Variants in ZMAT4 observed in about 807,000 individuals in gnomAD.
ZMAT4 encodes the protein zinc finger matrin-type 4.
In ZMAT4, 17 loss-of-function variants were observed where a neutral mutation model predicts 28.7. That is an observed-to-expected ratio of 0.59 (90% confidence interval 0.41 to 0.89). The LOEUF (loss-of-function observed/expected upper bound fraction) is 0.89, where lower values mean the gene tolerates loss of function less well. Among genes scored for constraint, ZMAT4 ranks in the 40% least tolerant of loss-of-function variants. ZMAT4 has a pLI of 0.00. For missense variants in ZMAT4, 240 were observed against 283.8 expected, an observed-to-expected ratio of 0.85 and a Z score of 1.11; for synonymous variants, 117 against 109.2, an observed-to-expected ratio of 1.07 and a Z score of -0.44.
At chr8:40,589,701 CCTTCCTT>C (rs377755153) in intron 5 of ZMAT4, among the ~76,000 whole-genome samples, 26 of 117,522 alleles carry the variant, frequency 2.2e-4, no homozygotes, top group Admixed American at 5.9e-4. Context: ...TAGAGACCTT[CCTTCCTT>C]CTTCCTTCTT....
intron 1 of ZMAT4, among the ~76,000 whole-genome samples, chr8:40,843,547 C>A (rs1412903492): frequency 6.6e-6 from 1 of 152,214 alleles, no homozygotes; most frequent in African/African-American, 2.4e-5. Context: ...ACTAAAATCT[C>A]TTCTCTGGTC....
At chr8:40,584,582 A>G (rs1804602092) in intron 5 of ZMAT4, among the ~76,000 whole-genome samples, 1 of 152,162 alleles carries the variant, frequency 6.6e-6, no homozygotes, top group Non-Finnish European at 1.5e-5. Context: ...AAGTTTGGAA[A>G]AAATAACCCC....
chr8:40,632,019 G>GT (rs1342870919), intron 5 of ZMAT4, among the ~76,000 whole-genome samples: 1 of 152,022 alleles, frequency 6.6e-6, no homozygotes, highest in Non-Finnish European at 1.5e-5. Flanking sequence ...TCAAATCCAG[G>GT]TTTTTTTTCC....
At chr8:40,770,372 CA>C (rs2150563684) in intron 2 of ZMAT4, among the ~76,000 whole-genome samples, 1 of 152,150 alleles carries the variant, frequency 6.6e-6, no homozygotes, top group South Asian at 2.1e-4. Context: ...CGTTGGTTGA[CA>C]AAGGGAAAGA....
intron 5 of ZMAT4, among the ~76,000 whole-genome samples, chr8:40,602,786 G>A (rs1273399449): frequency 2.0e-5 from 3 of 152,116 alleles, no homozygotes; most frequent in African/African-American, 7.2e-5. Flanking sequence ...ATTTGTTTGA[G>A]TTCCTTGTAG....
At chr8:40,847,805 G>C (rs1049057581) in intron 1 of ZMAT4, among the ~76,000 whole-genome samples, 2 of 152,110 alleles carry the variant, frequency 1.3e-5, no homozygotes, top group Non-Finnish European at 2.9e-5. Context: ...GCTGAAGTCC[G>C]TCCACCAGTG....
At chr8:40,798,826 G>A (rs965092260) in intron 2 of ZMAT4, among the ~76,000 whole-genome samples, 5 of 152,212 alleles carry the variant, frequency 3.3e-5, no homozygotes, top group Non-Finnish European at 5.9e-5. Flanking sequence ...TAAACCTGAA[G>A]GCAGTTTTAG....
chr8:40,766,502 C>T (rs1439252123), intron 3 of ZMAT4, among the ~76,000 whole-genome samples: 1 of 151,828 alleles, frequency 6.6e-6, no homozygotes, highest in Non-Finnish European at 1.5e-5. Context: ...ACGCTAAGGG[C>T]TAAAAAAAAA....
chr8:40,642,730 T>C (rs989874336), intron 5 of ZMAT4, among the ~76,000 whole-genome samples: 1 of 152,190 alleles, frequency 6.6e-6, no homozygotes, highest in Non-Finnish European at 1.5e-5. Context: ...GTCAAGAGGA[T>C]TGGAGGGAAT....
At chr8:40,823,557 G>A (rs1210029844) in intron 2 of ZMAT4, among the ~76,000 whole-genome samples, 1 of 152,146 alleles carries the variant, frequency 6.6e-6, no homozygotes, top group African/African-American at 2.4e-5. Context: ...TACTGGGGAG[G>A]CTGAGGCAGG....
chr8:40,581,941 G>GTAAAAA (rs1171827681), intron 5 of ZMAT4, among the ~76,000 whole-genome samples: 1 of 152,170 alleles, frequency 6.6e-6, no homozygotes, highest in Non-Finnish European at 1.5e-5. Context: ...GACTGATCTA[G>GTAAAAA]AGCCAATTTA....
At chr8:40,761,301 A>G (rs1812927006) in intron 3 of ZMAT4, among the ~76,000 whole-genome samples, 1 of 152,136 alleles carries the variant, frequency 6.6e-6, no homozygotes. Context: ...AATTTTTCAA[A>G]GGGGCTTTCT....
chr8:40,891,870 A>G (rs879284986), intron 1 of ZMAT4, among the ~76,000 whole-genome samples: 1 of 152,122 alleles, frequency 6.6e-6, no homozygotes, highest in Admixed American at 6.5e-5. Context: ...CTTTCTTCTC[A>G]GGGCTACACA....
At chr8:40,854,436 A>G (rs1449387703) in intron 1 of ZMAT4, among the ~76,000 whole-genome samples, 2 of 152,244 alleles carry the variant, frequency 1.3e-5, no homozygotes, top group Non-Finnish European at 2.9e-5. Context: ...GCAGATTGGT[A>G]AAACAGCTCC....
chr8:40,583,179 T>C (rs1046716148), intron 5 of ZMAT4, among the ~76,000 whole-genome samples: 18 of 152,156 alleles, frequency 1.2e-4, no homozygotes, highest in African/African-American at 4.1e-4. Context: ...GAGTACCTTC[T>C]TGTTGCTTGG....
At chr8:40,792,263 T>A (rs1008067480) in intron 2 of ZMAT4, among the ~76,000 whole-genome samples, 5 of 151,922 alleles carry the variant, frequency 3.3e-5, no homozygotes, top group African/African-American at 1.2e-4. Context: ...GGTTCAACCT[T>A]ATTTCTTTTA....
At chr8:40,842,973 C>A (rs975813872) in intron 1 of ZMAT4, among the ~76,000 whole-genome samples, 1 of 152,134 alleles carries the variant, frequency 6.6e-6, no homozygotes, top group African/African-American at 2.4e-5. Flanking sequence ...GATGGGGTTT[C>A]GCCATGTTGG....
chr8:40,896,783 A>G (rs1818892699), intron 1 of ZMAT4, among the ~76,000 whole-genome samples: 1 of 152,058 alleles, frequency 6.6e-6, no homozygotes, highest in African/African-American at 2.4e-5. Flanking sequence ...TGGTGACTTC[A>G]GCACCACCTC....
In ZMAT4 at chr8:40,566,909, T is replaced by G. The variant is rs6474259; in HGVS notation, c.674+14256A>C. On this transcript the variant is annotated intron_variant, in intron 6 of 6. Transcript: ENST00000297737. ...AGAAAACAGAATGTATTATTTGAAC[T>G]TTATCCATGTCCCAGGAAATAAAAC... Among the ~76,000 whole-genome samples, 1,022 of 152,202 alleles carry G rather than the reference T, an allele frequency of 6.7e-3. 13 individuals carry two copies. The highest frequency in any genetic ancestry group is 0.024 in the African/African-American group (980 of 41,534).
Sources: allele counts gnomAD v4.1 joint callset (sites outside exome capture counted in the v4.1 genomes callset), GRCh38; gene constraint gnomAD v4.1.1; transcripts MANE v1.5; gene names NCBI Gene and HGNC (gene_info 2026-07-23, HGNC 2026-07-21).